The following FAIM2 variants were observed in gnomAD, a reference collection of about 807,000 sequenced individuals.
FAIM2 encodes Fas apoptotic inhibitory molecule 2.
FAIM2 carries 27 observed loss-of-function variants against 47.4 expected under a neutral mutation model. The ratio of observed to expected loss-of-function variants is 0.57; its 90% confidence interval spans 0.42 to 0.78. FAIM2 has a LOEUF of 0.78. Among genes scored for constraint, FAIM2 ranks in the 30% least tolerant of loss-of-function variants. The pLI, the probability that FAIM2 is intolerant of heterozygous loss-of-function variation, is 0.00. For synonymous variants in FAIM2, 156 were observed against 159.3 expected (o/e 0.98, Z 0.16); for missense variants, 311 against 389.4 (o/e 0.80, Z 1.69).
At chr12:49,899,150 C>A (rs1436359512) in intron 2 of FAIM2, among the ~76,000 whole-genome samples, 4 of 152,156 alleles carry the variant, frequency 2.6e-5, no homozygotes, top group Non-Finnish European at 5.9e-5. Flanking sequence ...GTGATACCCA[C>A]CTCCTGGGCC....
At chr12:49,882,146 G>T (rs1311565062) in intron 11 of FAIM2, among the ~76,000 whole-genome samples, 1 of 152,226 alleles carries the variant, frequency 6.6e-6, no homozygotes, top group Non-Finnish European at 1.5e-5. Flanking sequence ...CCTGCATGCA[G>T]TGTGCTGTGT....
intron 11 of FAIM2, among the ~76,000 whole-genome samples, chr12:49,884,785 T>C (rs529802460): frequency 2.3e-4 from 35 of 152,280 alleles, no homozygotes; most frequent in East Asian, 9.7e-4. Flanking sequence ...CCATCCTGGC[T>C]AACACAGTGA....
At chr12:49,876,477 A>G (rs924652705) in intron 11 of FAIM2, among the ~76,000 whole-genome samples, 4 of 152,218 alleles carry the variant, frequency 2.6e-5, no homozygotes, top group African/African-American at 7.2e-5. Context: ...TAAGAGTAAA[A>G]GCTGGGCTGG....
At chr12:49,884,669 T>G (rs1252873775) in intron 11 of FAIM2, among the ~76,000 whole-genome samples, 2 of 152,200 alleles carry the variant, frequency 1.3e-5, no homozygotes, top group Non-Finnish European at 2.9e-5. Context: ...ATCTGCCTGT[T>G]ACTGGCCATA....
chr12:49,901,174 G>C lies in FAIM2; in HGVS notation c.167C>G (p.Pro56Arg). Residue 56 changes from proline (P) to arginine (R), a missense_variant, in exon 2 of 12, where the codon CCC (proline) becomes CGC (arginine). Transcript: ENST00000320634. ...GCTAGGGTGGAGAGGCACCGCTGTGGGGGCTGGGGGGAAGGCCCCTGCCTT... is the reference window on the plus strand; with the variant it reads ...GCTAGGGTGGAGAGGCACCGCTGTGCGGGCTGGGGGGAAGGCCCCTGCCTT... ...GMKAGAFPPA[P>R]TAVPLHPSWA... 2.5e-6 allele frequency: 4 copies of C among 1,607,062 alleles called. No individual in the cohort carries two copies. The highest frequency in any genetic ancestry group is 3.4e-6 in the Non-Finnish European group (4 of 1,177,162).
In FAIM2 at chr12:49,872,466, G is replaced by A. The variant is rs77698288; in HGVS notation, c.802-1813C>T. Among the ~76,000 whole-genome samples, 1,484 of 152,336 alleles carry A rather than the reference G, an allele frequency of 9.7e-3. 25 individuals carry two copies. Among genetic ancestry groups the A allele is most frequent in the African/African-American group, 0.034 (1,408 of 41,572 alleles). The stretch of plus-strand genomic sequence containing the variant: ...CAGCTTGCACTCTGCTTGGTAGACA[G>A]GGGTCATGCCCAGTTCCCTTTCCTT... On this transcript the variant is annotated intron_variant, in intron 11 of 11. Transcript: ENST00000320634.
At chr12:49,902,708 C>CG (rs1445998060) in intron 1 of FAIM2, 1 of 152,060 alleles carries the variant, frequency 6.6e-6, no homozygotes, top group Non-Finnish European at 1.5e-5. Flanking sequence ...CTCCCCAGCC[C>CG]CCCTCATCAC....
At position 49,870,374 on chromosome 12, in the gene FAIM2, G is replaced by T; in HGVS notation, c.*130C>A. The T allele has an allele frequency of 1.2e-6, 1 of 844,596 alleles. No individual in the cohort carries two copies. Among genetic ancestry groups the T allele is most frequent in the Non-Finnish European group, 1.9e-6 (1 of 525,862 alleles). 52.3% of individuals were successfully genotyped at this position (844,596 alleles called of 1,614,324 possible). A position where few individuals can be genotyped will look rare whatever the true frequency, so the allele number is the denominator to read the frequency against. ...GCGGCAGAGGGCTGGGCTGGGCTGGGGTAGACAGTGACCTGGCCACAGGCT... is the reference window on the plus strand; with the variant it reads ...GCGGCAGAGGGCTGGGCTGGGCTGGTGTAGACAGTGACCTGGCCACAGGCT... On this transcript the variant is annotated 3_prime_UTR_variant, in exon 12 of 12. Transcript: ENST00000320634.
intron 1 of FAIM2, 161 bp from the exon 2 acceptor site, chr12:49,901,486 A>G (rs966011351): frequency 1.0e-5 from 6 of 573,750 alleles, no homozygotes; most frequent in African/African-American, 7.8e-5. Flanking sequence ...TTTATAGACA[A>G]GAGAACTAAG....
At chr12:49,879,308 G>C (rs1946780431) in intron 11 of FAIM2, among the ~76,000 whole-genome samples, 1 of 106,378 alleles carries the variant, frequency 9.4e-6, no homozygotes, top group Non-Finnish European at 1.8e-5. Context: ...GTGTATGCAT[G>C]TGCATGTGTA....
Position 49,869,110 on chromosome 12 carries a change from G to C in FAIM2, c.*1394C>G, listed in dbSNP as rs1367614615. ...CACACAGTAACTTTCCACTGGCCTGGAGTTGGCCACTGCACATGCTGGCTG... is the reference window on the plus strand; with the variant it reads ...CACACAGTAACTTTCCACTGGCCTGCAGTTGGCCACTGCACATGCTGGCTG... On this transcript the variant is annotated 3_prime_UTR_variant, in exon 12 of 12. Coordinates refer to ENST00000320634, the MANE Select transcript of FAIM2 (RefSeq NM_012306.4). 1 of 152,570 alleles carries C rather than the reference G, an allele frequency of 6.6e-6. No individual in the cohort carries two copies. The highest frequency in any genetic ancestry group is 1.5e-5 in the Non-Finnish European group (1 of 68,278). 9.5% of individuals were successfully genotyped at this position (152,570 alleles called of 1,614,324 possible). A position where few individuals can be genotyped will look rare whatever the true frequency, so the allele number is the denominator to read the frequency against.
At chr12:49,890,950 G>T in intron 6 of FAIM2, 114 bp downstream of exon 6, 1 of 1,080,248 alleles carries the variant, frequency 9.3e-7, no homozygotes, top group Non-Finnish European at 1.4e-6. Context: ...GGCCCAGAGA[G>T]GGATGGGGCC....
chr12:49,880,595 T>G (rs547346908), intron 11 of FAIM2, among the ~76,000 whole-genome samples: 4 of 148,118 alleles, frequency 2.7e-5, no homozygotes, highest in African/African-American at 1.0e-4. Context: ...TATGTGCATG[T>G]GTATGTGTGT....
chr12:49,884,749 C>T (rs75285098), intron 11 of FAIM2, among the ~76,000 whole-genome samples: 321 of 152,262 alleles, frequency 2.1e-3, no homozygotes, highest in East Asian at 7.7e-3. Context: ...CCAAGGCGGG[C>T]GGATCACGAG....
In FAIM2 at chr12:49,866,906, C is replaced by T. The variant is rs1349345615; in HGVS notation, c.*3598G>A. On this transcript the variant is annotated 3_prime_UTR_variant, in exon 12 of 12. Coordinates refer to ENST00000320634, the MANE Select transcript of FAIM2 (RefSeq NM_012306.4). Reference sequence around the variant, plus strand: ...GACGAGGGAAACAACTCAGGTGTCACAATTGCTTTTATTTTTATCTCCAGT... The same window carrying T: ...GACGAGGGAAACAACTCAGGTGTCATAATTGCTTTTATTTTTATCTCCAGT... 2 of 152,330 alleles carry T rather than the reference C, an allele frequency of 1.3e-5. No individual in the cohort carries two copies. Among genetic ancestry groups the T allele is most frequent in the Admixed American group, 6.5e-5 (1 of 15,270 alleles). The allele number at this position is 152,330 out of a possible 1,614,324, so 9.4% of individuals were successfully genotyped here.
At chr12:49,881,789 A>C (rs947902164) in intron 11 of FAIM2, among the ~76,000 whole-genome samples, 3 of 152,084 alleles carry the variant, frequency 2.0e-5, no homozygotes, top group African/African-American at 7.2e-5. Flanking sequence ...TAAGACCAAA[A>C]ACCCAAGGCT....
chr12:49,892,483 T>A (rs547891319), intron 5 of FAIM2, among the ~76,000 whole-genome samples: 1 of 152,166 alleles, frequency 6.6e-6, no homozygotes, highest in African/African-American at 2.4e-5. Context: ...CACTACTCAA[T>A]AGGAGCTGGC....
At chr12:49,878,992 GTATC>G (rs2137085037) in intron 11 of FAIM2, among the ~76,000 whole-genome samples, 1 of 135,112 alleles carries the variant, frequency 7.4e-6, no homozygotes, top group South Asian at 2.5e-4. Context: ...GCATATGAGT[GTATC>G]TGTGTATGTG....
chr12:49,870,360 C>T lies in FAIM2; in HGVS notation c.*144G>A. 4.1e-6 allele frequency: 3 copies of T among 725,134 alleles called. No individual in the cohort carries two copies. Among genetic ancestry groups the T allele is most frequent in the South Asian group, 1.8e-5 (1 of 56,074 alleles). The allele number at this position is 725,134 out of a possible 1,614,324, so 44.9% of individuals were successfully genotyped here. On this transcript the variant is annotated 3_prime_UTR_variant, in exon 12 of 12. Coordinates refer to ENST00000320634, the MANE Select transcript of FAIM2 (RefSeq NM_012306.4). ...TGGCGTATGTACAAGCGGCAGAGGG[C>T]TGGGCTGGGCTGGGGTAGACAGTGA...
Sources: gnomAD v4.1 joint callset for allele counts (sites outside exome capture counted in the v4.1 genomes callset) on GRCh38, gnomAD v4.1.1 for gene constraint, MANE v1.5 for transcripts, NCBI Gene and HGNC (gene_info 2026-07-23, HGNC 2026-07-21) for gene names.